HDAC1: variants seen among roughly 807,000 people sequenced by gnomAD.
HDAC1 encodes histone deacetylase 1.
HDAC1 carries 18 observed loss-of-function variants against 65.5 expected under a neutral mutation model. The observed-to-expected ratio is 0.27, with a 90% confidence interval of 0.19 to 0.41. The LOEUF (loss-of-function observed/expected upper bound fraction) is 0.41. Ranked by LOEUF, HDAC1 falls within the 10% of genes least tolerant of loss-of-function variation. The pLI is 1.00. For missense variants in HDAC1, 373 were observed against 625.2 expected (o/e 0.60, Z 4.30); for synonymous variants, 211 against 227.9 (o/e 0.93, Z 0.67).
At position 32,331,923 on chromosome 1, in the gene HDAC1, G is replaced by A. The variant is rs1031030801; in HGVS notation, c.1219+117G>A. ...CCCACCTGTAGAGAAATCTGTTTTC[G>A]AGTTCCAGTGCCTGTAGGAACAGGT... On this transcript the variant is annotated intron_variant, in intron 11 of 13. Transcript: ENST00000373548. This position sits in a 1 kb window ranked among gnomAD's most constrained non-coding sequence, Gnocchi z 4.2. 13 of 1,432,642 alleles carry A rather than the reference G, an allele frequency of 9.1e-6. No individual in the cohort carries two copies. In the East Asian group the frequency reaches 9.3e-5, roughly 10 times the overall value. The allele number at this position is 1,432,642 out of a possible 1,614,324, so 88.7% of individuals were successfully genotyped here.
chr1:32,308,588 G>A (rs911836655), intron 2 of HDAC1, among the ~76,000 whole-genome samples: 1 of 147,182 alleles, frequency 6.8e-6, no homozygotes, highest in South Asian at 2.2e-4. Flanking sequence ...GCGCAATCTC[G>A]GCCCACTGCA....
At chr1:32,295,257 T>TA (rs1012054364) in intron 1 of HDAC1, among the ~76,000 whole-genome samples, 1 of 151,772 alleles carries the variant, frequency 6.6e-6, no homozygotes, top group African/African-American at 2.4e-5. Context: ...CTACAAAAAG[T>TA]AAAAAAATTA....
In HDAC1 at chr1:32,333,024, GA is replaced by G; in HGVS notation, c.1430del (p.Glu477GlyfsTer17). The stretch of plus-strand genomic sequence containing the variant: ...TCTCTGCTCTCTCCACAGGGTCAAG[GA>G]GGAGGTCAAGTTGGCCTGAATGGAC... ...EEKPEAKGVK[E>X]EVKLA On this transcript the variant is annotated frameshift_variant, in exon 14 of 14. Coordinates refer to ENST00000373548, the MANE Select transcript of HDAC1 (RefSeq NM_004964.3). LOFTEE classifies it high-confidence loss of function. 1.2e-6 allele frequency: 2 copies of G among 1,613,680 alleles called. No individual in the cohort carries two copies. The highest frequency in any genetic ancestry group is 1.7e-6 in the Non-Finnish European group (2 of 1,179,752).
Position 32,327,345 on chromosome 1 carries a change from G to A in HDAC1, c.495-191G>A, listed in dbSNP as rs960065578. The A allele has an allele frequency of 4.3e-5, 27 of 628,022 alleles. No individual in the cohort carries two copies. Among genetic ancestry groups the A allele is most frequent in the Non-Finnish European group, 3.1e-5 (11 of 357,328 alleles). 38.9% of individuals were successfully genotyped at this position (628,022 alleles called of 1,614,324 possible). ...ACCCTGGCTGTAGAGTAGGAAGATCGGACTTGGTCGGCTTGGTCAGGCCTC... is the reference window on the plus strand; with the variant it reads ...ACCCTGGCTGTAGAGTAGGAAGATCAGACTTGGTCGGCTTGGTCAGGCCTC... On this transcript the variant is annotated intron_variant, in intron 5 of 13. Coordinates refer to ENST00000373548, the MANE Select transcript of HDAC1 (RefSeq NM_004964.3). This position sits in a 1 kb window ranked among gnomAD's most constrained non-coding sequence, Gnocchi z 6.0.
intron 6 of HDAC1, among the ~76,000 whole-genome samples, chr1:32,328,217 T>G (rs1641245145): frequency 6.6e-6 from 1 of 152,202 alleles, no homozygotes; most frequent in African/African-American, 2.4e-5. Context: ...ATGAATGTGG[T>G]GAAATCAGCT....
At chr1:32,323,194 G>A (rs1253269459) in intron 3 of HDAC1, among the ~76,000 whole-genome samples, 1 of 151,842 alleles carries the variant, frequency 6.6e-6, no homozygotes, top group Non-Finnish European at 1.5e-5. Context: ...CCAGCTACTC[G>A]GGAGGCTGAG....
intron 2 of HDAC1, among the ~76,000 whole-genome samples, 182 bp from the exon 3 acceptor site, chr1:32,316,479 CCTTT>C (rs1002429388): frequency 3.3e-5 from 5 of 152,144 alleles, no homozygotes; most frequent in Non-Finnish European, 7.3e-5. Flanking sequence ...TACTCTGTCT[CCTTT>C]GATAATCTTG....
intron 2 of HDAC1, among the ~76,000 whole-genome samples, chr1:32,310,284 G>A (rs892126524): frequency 2.0e-5 from 3 of 152,202 alleles, no homozygotes; most frequent in Admixed American, 6.6e-5. Context: ...TTAGGTGAGT[G>A]TAAGGGGGTG....
intron 3 of HDAC1, among the ~76,000 whole-genome samples, chr1:32,323,645 G>T (rs1641178370): frequency 6.6e-6 from 1 of 152,096 alleles, no homozygotes; most frequent in African/African-American, 2.4e-5. Flanking sequence ...TGGTCCTCCT[G>T]CCTTAGCCTC....
intron 1 of HDAC1, among the ~76,000 whole-genome samples, chr1:32,293,503 C>A (rs1640725764): frequency 6.6e-6 from 1 of 151,940 alleles, no homozygotes; most frequent in Admixed American, 6.6e-5. Flanking sequence ...CAGTGGCTCA[C>A]ACCTCTCTAA....
Position 32,329,188 on chromosome 1 carries a change from T to C in HDAC1, c.729+28T>C, listed in dbSNP as rs1158346654. On this transcript the variant is annotated intron_variant, in intron 7 of 13. Transcript: ENST00000373548. The surrounding 1 kb of genome is among the most constrained non-coding windows in gnomAD (Gnocchi z 4.1). ...AAGTGGCTTTATCCACCCCTTGGGCTACAAACAGGGGATTGGTTGGCGGTG... is the reference window on the plus strand; with the variant it reads ...AAGTGGCTTTATCCACCCCTTGGGCCACAAACAGGGGATTGGTTGGCGGTG... The C allele has an allele frequency of 7.3e-7, 1 of 1,364,664 alleles. No homozygotes were observed. Among genetic ancestry groups the C allele is most frequent in the South Asian group, 1.2e-5 (1 of 86,108 alleles). The allele number at this position is 1,364,664 out of a possible 1,614,324, so 84.5% of individuals were successfully genotyped here. A position where few individuals can be genotyped will look rare whatever the true frequency, so the allele number is the denominator to read the frequency against.
At position 32,329,957 on chromosome 1, in the gene HDAC1, CG is replaced by C. The variant is rs1372461249; in HGVS notation, c.730-619del. On this transcript the variant is annotated intron_variant, in intron 7 of 13. Coordinates refer to ENST00000373548, the MANE Select transcript of HDAC1 (RefSeq NM_004964.3). This position sits in a 1 kb window ranked among gnomAD's most constrained non-coding sequence, Gnocchi z 4.1. Reference sequence around the variant, plus strand: ...TGTATGGGAGGAGTGCTGAAGGAGGCGGTGGGAAGTGTATGCTGGGCTCAGT... The same window carrying C: ...TGTATGGGAGGAGTGCTGAAGGAGGCGTGGGAAGTGTATGCTGGGCTCAGT... The C allele has an allele frequency of 6.3e-6, 1 of 158,326 alleles. No individual in the cohort carries two copies. The allele number at this position is 158,326 out of a possible 1,614,324, so 9.8% of individuals were successfully genotyped here.
chr1:32,331,505 T>C lies in HDAC1; in HGVS notation c.1011T>C (p.Phe337=). ...CATACAATGACTACTTTGAATACTT[T>C]GGACCAGATTTCAAGCTCCACATCA... ...ELPYNDYFEY[F]GPDFKLHISP... Residue 337 remains phenylalanine, a synonymous_variant, in exon 10 of 14, where the codon TTT becomes TTC. Coordinates refer to ENST00000373548, the MANE Select transcript of HDAC1 (RefSeq NM_004964.3). This position sits in a 1 kb window ranked among gnomAD's most constrained non-coding sequence, Gnocchi z 4.2. 1 of 1,611,648 alleles carries C rather than the reference T, an allele frequency of 6.2e-7. No homozygotes were observed. Among genetic ancestry groups the C allele is most frequent in the South Asian group, 1.1e-5 (1 of 91,026 alleles).
At chr1:32,295,438 T>A (rs964183817) in intron 1 of HDAC1, among the ~76,000 whole-genome samples, 2 of 152,002 alleles carry the variant, frequency 1.3e-5, no homozygotes, top group African/African-American at 4.8e-5. Context: ...TTCTCATAGT[T>A]CTGGAGGCTG....
At chr1:32,326,503 C>T (rs1013438937) in intron 4 of HDAC1, among the ~76,000 whole-genome samples, 1 of 151,898 alleles carries the variant, frequency 6.6e-6, no homozygotes, top group Non-Finnish European at 1.5e-5. Context: ...GACCATGAGC[C>T]ATAGTAAGAA....
rs1452081073 is a variant in HDAC1, at chr1:32,330,038, CAGTA to C, written c.730-537_730-534del. The C allele has an allele frequency of 6.3e-6, 1 of 158,826 alleles. No individual in the cohort carries two copies. The highest frequency in any genetic ancestry group is 1.4e-5 in the Non-Finnish European group (1 of 71,696). 9.8% of individuals were successfully genotyped at this position (158,826 alleles called of 1,614,324 possible). A position where few individuals can be genotyped will look rare whatever the true frequency, so the allele number is the denominator to read the frequency against. On this transcript the variant is annotated intron_variant, in intron 7 of 13. Transcript: ENST00000373548. This position sits in a 1 kb window ranked among gnomAD's most constrained non-coding sequence, Gnocchi z 4.2. ...AAGGAGTTAAATCTTCACTTATAAA[CAGTA>C]AGAAACTGCTTAACCTAATAAGGTC...
chr1:32,306,694 CTG>C (rs1397096059), intron 2 of HDAC1, among the ~76,000 whole-genome samples: 1 of 152,096 alleles, frequency 6.6e-6, no homozygotes, highest in Admixed American at 6.6e-5. Flanking sequence ...GGATCCTGGA[CTG>C]TGTTTCCTGT....
chr1:32,313,885 A>G (rs894255495), intron 2 of HDAC1, among the ~76,000 whole-genome samples: 1 of 152,208 alleles, frequency 6.6e-6, no homozygotes, highest in African/African-American at 2.4e-5. Flanking sequence ...CGTCCTGTCC[A>G]AGGTTGGTTC....
Position 32,332,092 on chromosome 1 carries a change from T to G in HDAC1, c.1222T>G (p.Cys408Gly), listed in dbSNP as rs1289989152. 6.3e-7 allele frequency: 1 copy of G among 1,595,998 alleles called. No homozygotes were observed. The highest frequency in any genetic ancestry group is 1.8e-5 in the Admixed American group (1 of 56,816). The stretch of plus-strand genomic sequence containing the variant: ...CCATGCTTCCCACTCCCTCCCAGTC[T>G]GCTCCTCTGACAAACGAATTGCCTG... ...EDDPDKRISICSSDKRIACEE... is the reference protein window; with the variant it reads ...EDDPDKRISIGSSDKRIACEE... Residue 408 changes from cysteine to glycine, a missense_variant and splice_region_variant, in exon 12 of 14, where the codon TGC (cysteine) becomes GGC (glycine). Coordinates refer to ENST00000373548, the MANE Select transcript of HDAC1 (RefSeq NM_004964.3).
Sources: gnomAD v4.1 joint callset for allele counts (sites outside exome capture counted in the v4.1 genomes callset) on GRCh38, gnomAD v4.1.1 for gene constraint, Gnocchi (gnomAD v3.1) non-coding constraint, MANE v1.5 for transcripts, NCBI Gene and HGNC (gene_info 2026-07-23, HGNC 2026-07-21) for gene names.